The following TAFA2 variants were observed in gnomAD, a reference collection of about 807,000 sequenced individuals.
The protein encoded by TAFA2 is TAFA chemokine like family member 2.
Under a neutral mutation model 18.8 loss-of-function variants are expected in TAFA2, and 7 were observed. The observed-to-expected ratio is 0.37, with a 90% CI of 0.21 to 0.70. The LOEUF is 0.70. Among genes scored for constraint, TAFA2 ranks in the 30% least tolerant of loss-of-function variants. The probability of loss-of-function intolerance (pLI) is 0.53; values close to 1 mark genes in which losing one functional copy is unlikely to be tolerated. For synonymous variants in TAFA2, 60 were observed against 54.2 expected (o/e 1.11, Z -0.47); for missense variants, 122 against 158.1 (o/e 0.77, Z 1.23).
intron 2 of TAFA2, among the ~76,000 whole-genome samples, chr12:61,817,129 T>C (rs1195433803): frequency 6.6e-6 from 1 of 152,000 alleles, no homozygotes; most frequent in Non-Finnish European, 1.5e-5. Flanking sequence ...TGCTATCTTA[T>C]ATGCTACATG....
At chr12:61,900,674 A>G (rs181099940) in intron 1 of TAFA2, among the ~76,000 whole-genome samples, 34 of 152,276 alleles carry the variant, frequency 2.2e-4, no homozygotes, top group African/African-American at 7.7e-4. Context: ...CCATGATTCA[A>G]TTACCTTCCA....
chr12:61,866,647 A>T (rs991457506), intron 2 of TAFA2, among the ~76,000 whole-genome samples: 2 of 152,184 alleles, frequency 1.3e-5, no homozygotes, highest in African/African-American at 2.4e-5. Flanking sequence ...AGCTTAACAC[A>T]TATGTATAGA....
intron 1 of TAFA2, among the ~76,000 whole-genome samples, chr12:62,046,567 A>C (rs144842226): frequency 6.6e-6 from 1 of 152,148 alleles, no homozygotes; most frequent in Non-Finnish European, 1.5e-5. Context: ...CTGTCTACAC[A>C]GAATAAATCT....
At chr12:62,063,100 G>A (rs1882395008) in intron 1 of TAFA2, among the ~76,000 whole-genome samples, 1 of 151,862 alleles carries the variant, frequency 6.6e-6, no homozygotes, top group Non-Finnish European at 1.5e-5. Context: ...TGTCATATAA[G>A]GTAATATATT....
At chr12:62,038,622 C>A (rs1881674170) in intron 1 of TAFA2, among the ~76,000 whole-genome samples, 1 of 151,846 alleles carries the variant, frequency 6.6e-6, no homozygotes, top group South Asian at 2.1e-4. Flanking sequence ...GGAGTCAGTG[C>A]CCCACAGATA....
intron 1 of TAFA2, among the ~76,000 whole-genome samples, chr12:62,172,601 CA>C (rs1394649031): frequency 3.9e-5 from 6 of 152,150 alleles, no homozygotes; most frequent in Non-Finnish European, 8.8e-5. Context: ...ATGGACCAAA[CA>C]AAATGCTCAG....
At chr12:62,146,178 T>C (rs1420027773) in intron 1 of TAFA2, among the ~76,000 whole-genome samples, 1 of 151,790 alleles carries the variant, frequency 6.6e-6, no homozygotes, top group Non-Finnish European at 1.5e-5. Context: ...TTGGAGGCCC[T>C]CTCATCTCAC....
chr12:61,866,910 T>G (rs746048793), intron 2 of TAFA2, among the ~76,000 whole-genome samples: 15 of 152,132 alleles, frequency 9.9e-5, no homozygotes, highest in Non-Finnish European at 4.4e-5. Flanking sequence ...TTTTTTATTT[T>G]TTTTTCCTTT....
intron 2 of TAFA2, among the ~76,000 whole-genome samples, chr12:61,863,197 T>C (rs185965100): frequency 9.2e-5 from 14 of 152,254 alleles, no homozygotes; most frequent in African/African-American, 3.4e-4. Flanking sequence ...CAGTCTGTGC[T>C]CCTTACACTG....
In TAFA2 at chr12:61,724,783, G is replaced by A. The variant is rs912729743; in HGVS notation, c.385-14366C>T. ...TGTGTGTGTGTGTGTGTGTGTGTGT[G>A]TGTGTGTGTGTGTGTGTGTATACAC... On this transcript the variant is annotated intron_variant, in intron 4 of 4. Coordinates refer to ENST00000416284, the MANE Select transcript of TAFA2 (RefSeq NM_178539.5). Among the ~76,000 whole-genome samples, 665 of 94,328 alleles carry A rather than the reference G, an allele frequency of 7.0e-3. 3 individuals are homozygous for A. Among genetic ancestry groups the A allele is most frequent in the African/African-American group, 0.03 (627 of 21,088 alleles). The allele number at this position is 94,328 out of a possible 152,430, so 61.9% of individuals were successfully genotyped here.
intron 1 of TAFA2, among the ~76,000 whole-genome samples, chr12:62,041,974 A>G (rs1304894016): frequency 6.6e-6 from 1 of 152,132 alleles, no homozygotes; most frequent in Non-Finnish European, 1.5e-5. Flanking sequence ...TTATTATGAA[A>G]TGCTTATTTT....
At chr12:62,056,938 C>T (rs1882203046) in intron 1 of TAFA2, among the ~76,000 whole-genome samples, 1 of 152,186 alleles carries the variant, frequency 6.6e-6, no homozygotes, top group African/African-American at 2.4e-5. Flanking sequence ...TATCTATGCT[C>T]TTGAGAGAGA....
chr12:62,008,293 T>C (rs904899794), intron 1 of TAFA2, among the ~76,000 whole-genome samples: 1 of 152,168 alleles, frequency 6.6e-6, no homozygotes, highest in Non-Finnish European at 1.5e-5. Context: ...ACAAATAAAA[T>C]ACAGCAACTA....
At chr12:61,836,484 G>A (rs1872924177) in intron 2 of TAFA2, among the ~76,000 whole-genome samples, 1 of 151,612 alleles carries the variant, frequency 6.6e-6, no homozygotes, top group Non-Finnish European at 1.5e-5. Flanking sequence ...TAACAGTTGG[G>A]TGAATTCATA....
chr12:61,929,723 C>T (rs568653450), intron 1 of TAFA2, among the ~76,000 whole-genome samples: 14 of 151,848 alleles, frequency 9.2e-5, no homozygotes, highest in Non-Finnish European at 1.9e-4. Context: ...TATTGCGGCA[C>T]TATTCACAAT....
Position 61,968,817 on chromosome 12 carries a change from A to G in TAFA2, c.-1-101391T>C, listed in dbSNP as rs1239956433. ...TTGCCCCAGAGTTCATGACTCTATG[A>G]ACTCTTACTTTGCCATAGATGATAT... On this transcript the variant is annotated intron_variant, in intron 1 of 4. Transcript: ENST00000416284. Among the ~76,000 whole-genome samples, 3 of 151,804 alleles carry G rather than the reference A, an allele frequency of 2.0e-5. No homozygotes were observed. The East Asian group carries it at 5.9e-4, about 30-fold the overall frequency.
intron 1 of TAFA2, among the ~76,000 whole-genome samples, chr12:62,165,294 T>G (rs1402803235): frequency 1.3e-5 from 2 of 152,088 alleles, no homozygotes; most frequent in East Asian, 3.9e-4. Context: ...TCTACCTCTC[T>G]GTCTACTTAC....
rs1464460142 is a variant in TAFA2, at chr12:61,944,293, A to G, written c.-1-76867T>C. Among the ~76,000 whole-genome samples the G allele has an allele frequency of 7.8e-3, 1,184 of 151,134 alleles. 15 individuals are homozygous for G. Among genetic ancestry groups the G allele is most frequent in the African/African-American group, 0.028 (1,137 of 40,560 alleles). On this transcript the variant is annotated intron_variant, in intron 1 of 4. Coordinates refer to ENST00000416284, the MANE Select transcript of TAFA2 (RefSeq NM_178539.5). ...CACAACATACCAGACTCTCTGGGAC[A>G]CATTCAAAGCAGTGTGTAGAGGGAA...
chr12:62,233,678 G>A (rs960789261), intron 1 of TAFA2, among the ~76,000 whole-genome samples: 7 of 152,194 alleles, frequency 4.6e-5, no homozygotes, highest in Non-Finnish European at 1.0e-4. Flanking sequence ...GAAGGGATCT[G>A]GTGCCCTGGT....
Sources: gnomAD v4.1 joint callset for allele counts (sites outside exome capture counted in the v4.1 genomes callset) on GRCh38, gnomAD v4.1.1 for gene constraint, MANE v1.5 for transcripts, NCBI Gene and HGNC (gene_info 2026-07-23, HGNC 2026-07-21) for gene names.